The following CARS1 variants were observed in gnomAD, a reference collection of about 807,000 sequenced individuals.
CARS1 encodes the protein cysteinyl-tRNA synthetase 1.
CARS1 carries 48 observed loss-of-function variants against 106.2 expected under a neutral mutation model. The observed-to-expected ratio is 0.45, with a 90% confidence interval of 0.36 to 0.57. The LOEUF (loss-of-function observed/expected upper bound fraction) is 0.57, where lower values mean the gene tolerates loss of function less well. CARS1 is among the 20% of genes least tolerant of loss of function. CARS1 has a pLI of 0.00. For synonymous variants in CARS1, 409 were observed against 403.4 expected, an observed-to-expected ratio of 1.01 and a Z score of -0.17; for missense variants, 968 against 1,057.2, an observed-to-expected ratio of 0.92 and a Z score of 1.17.
intron 18 of CARS1, 180 bp from the exon 19 acceptor site, chr11:3,007,139 A>T (rs1849959261): frequency 1.7e-6 from 1 of 601,648 alleles, no homozygotes; most frequent in Non-Finnish European, 2.9e-6. Context: ...CTTGGGAGGG[A>T]GGGCCCAGCA....
intron 19 of CARS1, 146 bp from the exon 20 acceptor site, chr11:3,005,579 C>A (rs1241195426): frequency 1.6e-5 from 10 of 608,480 alleles, no homozygotes; most frequent in Non-Finnish European, 2.9e-5. Context: ...CAAACAAAAA[C>A]CTCCATAGCA....
chr11:3,028,778 G>C lies in CARS1; in HGVS notation c.1031+218C>G, dbSNP rs967334963. On this transcript the variant is annotated intron_variant, in intron 9 of 22. Coordinates refer to ENST00000380525, the MANE Select transcript of CARS1 (RefSeq NM_001014437.3). This position sits in a 1 kb window ranked among gnomAD's most constrained non-coding sequence, Gnocchi z 4.4. ...TGCCGAGCTTCCCAGCAGATTCTGG[G>C]TTAGGTTCTCACCATGGCCCCCAGG... The C allele has an allele frequency of 7.4e-6, 4 of 542,476 alleles. No individual in the cohort carries two copies. In the African/African-American group the frequency reaches 7.6e-5, roughly 10 times the overall value. 33.6% of individuals were successfully genotyped at this position (542,476 alleles called of 1,614,324 possible). A position where few individuals can be genotyped will look rare whatever the true frequency, so the allele number is the denominator to read the frequency against.
chr11:3,006,361 G>A (rs374270572), intron 19 of CARS1, among the ~76,000 whole-genome samples: 20 of 152,304 alleles, frequency 1.3e-4, no homozygotes, highest in Non-Finnish European at 2.5e-4. Flanking sequence ...CAGGAGAATC[G>A]CTTGAACCCG....
rs552762579 is a variant in CARS1 at position 3,049,090 on chromosome 11, TTTA to T, written c.26-1092_26-1090del. Among the ~76,000 whole-genome samples, 5 of 130,198 alleles carry T rather than the reference TTTA, an allele frequency of 3.8e-5. No individual in the cohort carries two copies. The South Asian group carries it at 1.2e-3, about 32-fold the overall frequency. 85.4% of individuals were successfully genotyped at this position (130,198 alleles called of 152,430 possible). ...CCTTCTCCTCCTCCATTCTCCCTTT[TTTA>T]TTTTTATTTATTTATTTATTTATTT... On this transcript the variant is annotated intron_variant, in intron 1 of 22. Transcript: ENST00000380525.
Position 3,041,202 on chromosome 11 carries a change from T to C in CARS1, c.367-218A>G. ...CTGAGCCCTGGGTGGGTGGGGCCTCTTCCTCCCTGGGGTTCTACTCATCTA... is the reference window on the plus strand; with the variant it reads ...CTGAGCCCTGGGTGGGTGGGGCCTCCTCCTCCCTGGGGTTCTACTCATCTA... On this transcript the variant is annotated intron_variant, in intron 3 of 22. Transcript: ENST00000380525. The surrounding 1 kb of genome is among the most constrained non-coding windows in gnomAD (Gnocchi z 4.9). 2 of 565,370 alleles carry C rather than the reference T, an allele frequency of 3.5e-6. No homozygotes were observed. The highest frequency in any genetic ancestry group is 6.1e-6 in the Non-Finnish European group (2 of 325,816). The allele number at this position is 565,370 out of a possible 1,614,324, so 35.0% of individuals were successfully genotyped here.
chr11:3,024,685 C>T (rs576572221), intron 10 of CARS1, among the ~76,000 whole-genome samples: 5 of 151,818 alleles, frequency 3.3e-5, no homozygotes, highest in Admixed American at 2.0e-4. Context: ...TGGGCTCAAG[C>T]GATCCTCCTG....
Position 3,029,753 on chromosome 11 carries a change from C to A in CARS1, c.802-310G>T, listed in dbSNP as rs1440890503. On this transcript the variant is annotated intron_variant, in intron 7 of 22. Transcript: ENST00000380525. This position sits in a 1 kb window ranked among gnomAD's most constrained non-coding sequence, Gnocchi z 5.9. ...GTGAGCATGTGCAGCCTACCTGGGCCGTGCAGGGCAGGGTTATGGGCAGAG... is the reference window on the plus strand; with the variant it reads ...GTGAGCATGTGCAGCCTACCTGGGCAGTGCAGGGCAGGGTTATGGGCAGAG... 2 of 399,356 alleles carry A rather than the reference C, an allele frequency of 5.0e-6. No individual in the cohort carries two copies. Among genetic ancestry groups the A allele is most frequent in the South Asian group, 4.1e-5 (1 of 24,560 alleles). The allele number at this position is 399,356 out of a possible 1,614,324, so 24.7% of individuals were successfully genotyped here.
intron 10 of CARS1, 66 bp downstream of exon 10, chr11:3,026,608 CAA>C: frequency 6.3e-7 from 1 of 1,577,344 alleles, no homozygotes; most frequent in South Asian, 1.1e-5. Flanking sequence ...CCGTGGCCTG[CAA>C]AGTCAACACA....
Position 3,050,490 on chromosome 11 carries a change from C to A in CARS1, c.26-2489G>T, listed in dbSNP as rs74048783. ...AAGAAGCTTTGGACTTGAGAGCCAG[C>A]CCTTGTCACCTGGATTCCTGCAAGC... On this transcript the variant is annotated intron_variant, in intron 1 of 22. Transcript: ENST00000380525. This position sits in a 1 kb window ranked among gnomAD's most constrained non-coding sequence, Gnocchi z 6.3. Among the ~76,000 whole-genome samples the A allele has an allele frequency of 0.093, 14,220 of 152,232 alleles. 742 individuals are homozygous for A. The highest frequency in any genetic ancestry group is 0.12 in the African/African-American group (5,135 of 41,522).
Position 3,002,063 on chromosome 11 carries a change from G to T in CARS1, c.2278-10C>A. On this transcript the variant is annotated splice_polypyrimidine_tract_variant and intron_variant, in intron 21 of 22. Transcript: ENST00000380525. ...TGGCCAGCTTTGCTGCCTAGAACAC[G>T]CAACACGGCACAGTCACTGCCCCCG... 1 of 1,596,932 alleles carries T rather than the reference G, an allele frequency of 6.3e-7. No individual in the cohort carries two copies. The highest frequency in any genetic ancestry group is 8.6e-7 in the Non-Finnish European group (1 of 1,164,708).
intron 18 of CARS1, among the ~76,000 whole-genome samples, chr11:3,011,507 A>C (rs1256964002): frequency 6.6e-6 from 1 of 151,962 alleles, no homozygotes; most frequent in Non-Finnish European, 1.5e-5. Context: ...CCAGCTACTC[A>C]GGAGGCTGAG....
chr11:3,055,761 A>G (rs2134332745), intron 1 of CARS1, among the ~76,000 whole-genome samples: 1 of 152,392 alleles, frequency 6.6e-6, no homozygotes, highest in South Asian at 2.1e-4. Flanking sequence ...ACACATTTTT[A>G]GTTTGAAAAC....
At chr11:3,016,374 C>T (rs1359556338) in intron 16 of CARS1, among the ~76,000 whole-genome samples, 1 of 152,096 alleles carries the variant, frequency 6.6e-6, no homozygotes, top group Non-Finnish European at 1.5e-5. Flanking sequence ...GAACCCGCCA[C>T]CATGCCTGGC....
chr11:3,056,646 G>A (rs1255288513), intron 1 of CARS1, among the ~76,000 whole-genome samples: 1 of 152,198 alleles, frequency 6.6e-6, no homozygotes, highest in East Asian at 1.9e-4. Context: ...GCGTACCCCT[G>A]GCGTCCTCTG....
At chr11:3,009,293 C>G (rs538558872) in intron 18 of CARS1, 1 of 152,268 alleles carries the variant, frequency 6.6e-6, no homozygotes, top group Non-Finnish European at 1.5e-5. Context: ...CAGGCTGCAA[C>G]ATGGATAGAC....
In CARS1 at chr11:3,021,083, G is replaced by C. The variant is rs1475122594; in HGVS notation, c.1154-751C>G. Among the ~76,000 whole-genome samples, 1 of 152,172 alleles carries C rather than the reference G, an allele frequency of 6.6e-6. No homozygotes were observed. The highest frequency in any genetic ancestry group is 1.5e-5 in the Non-Finnish European group (1 of 68,030). Reference sequence around the variant, plus strand: ...TTGGTGAATTCCATGCATTGACTCGGTGACACTCAGCCACCTGACACTCAG... The same window carrying C: ...TTGGTGAATTCCATGCATTGACTCGCTGACACTCAGCCACCTGACACTCAG... On this transcript the variant is annotated intron_variant, in intron 10 of 22. Coordinates refer to ENST00000380525, the MANE Select transcript of CARS1 (RefSeq NM_001014437.3). The surrounding 1 kb of genome is among the most constrained non-coding windows in gnomAD (Gnocchi z 5.3).
At chr11:3,036,947 A>G (rs1009655917) in intron 7 of CARS1, among the ~76,000 whole-genome samples, 1 of 152,024 alleles carries the variant, frequency 6.6e-6, no homozygotes, top group Non-Finnish European at 1.5e-5. Flanking sequence ...TCTCTACAAA[A>G]AAAAAGTTTT....
intron 14 of CARS1, chr11:3,018,185 C>G: frequency 1.6e-6 from 1 of 610,992 alleles, no homozygotes; most frequent in South Asian, 2.0e-5. Flanking sequence ...ACGTGCACTG[C>G]AGTGACTAGG....
At chr11:3,015,365 C>A (rs1850883116) in intron 17 of CARS1, among the ~76,000 whole-genome samples, 1 of 152,240 alleles carries the variant, frequency 6.6e-6, no homozygotes, top group Admixed American at 6.5e-5. Context: ...GGCGTATCTC[C>A]CCATCAGTGT....
Sources: gnomAD v4.1 joint callset for allele counts (sites outside exome capture counted in the v4.1 genomes callset) on GRCh38, gnomAD v4.1.1 for gene constraint, Gnocchi (gnomAD v3.1) non-coding constraint, MANE v1.5 for transcripts, NCBI Gene and HGNC (gene_info 2026-07-23, HGNC 2026-07-21) for gene names.